The following EXOC6B variants were observed in gnomAD, a reference collection of about 807,000 sequenced individuals.
The protein encoded by EXOC6B is SEC15 homolog B.
A neutral mutation model predicts 113.5 loss-of-function variants in EXOC6B; 54 were observed. The observed-to-expected ratio is 0.48, with a 90% CI of 0.38 to 0.60. The LOEUF is 0.60. EXOC6B is among the 20% of genes least tolerant of loss of function. The probability of loss-of-function intolerance (pLI) is 0.00; values close to 1 mark genes in which losing one functional copy is unlikely to be tolerated. For synonymous variants in EXOC6B, 357 were observed against 339.0 expected, an observed-to-expected ratio of 1.05 and a Z score of -0.58; for missense variants, 797 against 977.5, an observed-to-expected ratio of 0.82 and a Z score of 2.46.
intron 6 of EXOC6B, among the ~76,000 whole-genome samples, chr2:72,714,508 T>C (rs1679477733): frequency 6.6e-6 from 1 of 152,202 alleles, no homozygotes; most frequent in African/African-American, 2.4e-5. Flanking sequence ...AGAAAAGTAT[T>C]AGCTCATTTG....
chr2:72,225,404 T>C (rs1312734010), intron 20 of EXOC6B, among the ~76,000 whole-genome samples: 2 of 152,230 alleles, frequency 1.3e-5, no homozygotes, highest in Admixed American at 6.5e-5. Context: ...TAAATTTTCA[T>C]ATTTCTAGGT....
intron 11 of EXOC6B, among the ~76,000 whole-genome samples, chr2:72,501,852 T>G (rs891287591): frequency 6.0e-5 from 9 of 151,140 alleles, no homozygotes; most frequent in Non-Finnish European, 1.3e-4. Context: ...CTTGACCCCC[T>G]GGGTTCAAGC....
intron 1 of EXOC6B, among the ~76,000 whole-genome samples, chr2:72,813,374 C>A (rs1370281342): frequency 6.6e-6 from 1 of 152,180 alleles, no homozygotes; most frequent in African/African-American, 2.4e-5. Context: ...AGGTGAGCTA[C>A]CACACCCAGC....
In EXOC6B at chr2:72,498,436, C is replaced by T; in HGVS notation, c.1337+18G>A. The T allele has an allele frequency of 6.4e-7, 1 of 1,559,864 alleles. No homozygotes were observed. Among genetic ancestry groups the T allele is most frequent in the Non-Finnish European group, 8.8e-7 (1 of 1,135,494 alleles). On this transcript the variant is annotated intron_variant, in intron 13 of 21. Transcript: ENST00000272427. ...TGTACATGAACACACACACATATGA[C>T]TATAGATAATTTCTCACCTGAAAAT...
chr2:72,818,798 G>A (rs1488029648), intron 1 of EXOC6B, among the ~76,000 whole-genome samples: 1 of 152,066 alleles, frequency 6.6e-6, no homozygotes, highest in African/African-American at 2.4e-5. Flanking sequence ...TTTCCTGAGG[G>A]CCTTGGCACT....
At chr2:72,783,662 T>C (rs1365641383) in intron 1 of EXOC6B, among the ~76,000 whole-genome samples, 2 of 152,116 alleles carry the variant, frequency 1.3e-5, no homozygotes, top group African/African-American at 2.4e-5. Context: ...GAAATGTCTA[T>C]CCATGTCCTT....
At chr2:72,619,065 T>C (rs1255228278) in intron 6 of EXOC6B, among the ~76,000 whole-genome samples, 5 of 152,154 alleles carry the variant, frequency 3.3e-5, no homozygotes, top group Non-Finnish European at 5.9e-5. Context: ...GAAAAGCTGT[T>C]GAACAACAGA....
At chr2:72,676,405 A>G (rs1676317969) in intron 6 of EXOC6B, among the ~76,000 whole-genome samples, 1 of 152,266 alleles carries the variant, frequency 6.6e-6, no homozygotes, top group Non-Finnish European at 1.5e-5. Flanking sequence ...GTCATGTTCC[A>G]GAGAACAATT....
At chr2:72,538,929 C>T (rs959519389) in intron 8 of EXOC6B, among the ~76,000 whole-genome samples, 45 of 152,110 alleles carry the variant, frequency 3.0e-4, no homozygotes, top group African/African-American at 1.0e-3. Flanking sequence ...ATGGATGAGC[C>T]GCTTGAGCTG....
chr2:72,398,727 TACACACACACACACACACAC>T (rs60055732), intron 18 of EXOC6B, among the ~76,000 whole-genome samples: 1 of 138,996 alleles, frequency 7.2e-6, no homozygotes, highest in South Asian at 2.3e-4. Context: ...TCTCTCTGTC[TACACACACACACACACACAC>T]ACACACACAC....
At position 72,579,007 on chromosome 2, in the gene EXOC6B, G is replaced by A. The variant is rs1039355645; in HGVS notation, c.670-3339C>T. 5.9e-5 allele frequency among the ~76,000 whole-genome samples: 9 copies of A among 152,226 alleles called. No homozygotes were observed. In the South Asian group the frequency reaches 1.0e-3, roughly 18 times the overall value. On this transcript the variant is annotated intron_variant, in intron 6 of 21. Coordinates refer to ENST00000272427, the MANE Select transcript of EXOC6B (RefSeq NM_015189.3). Reference sequence around the variant, plus strand: ...TACAATTCAGACAAACCCTCTAGGAGTCAAGGAGTGGTCAACTGAGAGAAG... The same window carrying A: ...TACAATTCAGACAAACCCTCTAGGAATCAAGGAGTGGTCAACTGAGAGAAG...
intron 6 of EXOC6B, among the ~76,000 whole-genome samples, chr2:72,688,351 G>A (rs1677235990): frequency 6.6e-6 from 1 of 152,178 alleles, no homozygotes; most frequent in Non-Finnish European, 1.5e-5. Flanking sequence ...AGGAAAAGAA[G>A]TCAATAAAGG....
At chr2:72,815,101 C>T (rs1347220357) in intron 1 of EXOC6B, among the ~76,000 whole-genome samples, 1 of 152,192 alleles carries the variant, frequency 6.6e-6, no homozygotes, top group African/African-American at 2.4e-5. Context: ...GGTTTATTTA[C>T]CAATCACAAC....
chr2:72,543,733 C>T (rs1025433406), intron 8 of EXOC6B, among the ~76,000 whole-genome samples: 3 of 152,160 alleles, frequency 2.0e-5, no homozygotes, highest in Non-Finnish European at 4.4e-5. Context: ...CTTATCAATG[C>T]AGTGCACAAA....
At chr2:72,320,821 A>G (rs1012997891) in intron 20 of EXOC6B, among the ~76,000 whole-genome samples, 1 of 152,208 alleles carries the variant, frequency 6.6e-6, no homozygotes, top group African/African-American at 2.4e-5. Flanking sequence ...AAAAACTTTC[A>G]CTACTCAATA....
intron 20 of EXOC6B, among the ~76,000 whole-genome samples, chr2:72,260,101 GAGAA>G (rs1159295611): frequency 7.2e-5 from 11 of 151,956 alleles, no homozygotes; most frequent in African/African-American, 2.4e-4. Context: ...AAAAGGAAGA[GAGAA>G]AGAAAGAAAA....
At position 72,244,172 on chromosome 2, in the gene EXOC6B, T is replaced by C. The variant is rs565401815; in HGVS notation, c.2197-59985A>G. Among the ~76,000 whole-genome samples the C allele has an allele frequency of 8.5e-4, 129 of 152,130 alleles. 1 individual carries two copies. The highest frequency in any genetic ancestry group is 1.6e-3 in the Non-Finnish European group (111 of 68,010). On this transcript the variant is annotated intron_variant, in intron 20 of 21. Transcript: ENST00000272427. Reference sequence around the variant, plus strand: ...GGGCCATAAGATATACCTTAACAGATTTAAACAAGTAGAAATGATACAAAG... The same window carrying C: ...GGGCCATAAGATATACCTTAACAGACTTAAACAAGTAGAAATGATACAAAG...
intron 6 of EXOC6B, among the ~76,000 whole-genome samples, chr2:72,623,325 T>C (rs954416692): frequency 5.3e-5 from 8 of 152,162 alleles, no homozygotes; most frequent in East Asian, 3.9e-4. Flanking sequence ...GGGCTAGAGA[T>C]ACATTGGCAA....
At chr2:72,625,591 G>A (rs1209019671) in intron 6 of EXOC6B, among the ~76,000 whole-genome samples, 1 of 152,084 alleles carries the variant, frequency 6.6e-6, no homozygotes, top group Non-Finnish European at 1.5e-5. Context: ...TAACACATCT[G>A]GAAAGAGAAC....
Sources: gnomAD v4.1 joint callset for allele counts (sites outside exome capture counted in the v4.1 genomes callset) on GRCh38, gnomAD v4.1.1 for gene constraint, MANE v1.5 for transcripts, NCBI Gene and HGNC (gene_info 2026-07-23, HGNC 2026-07-21) for gene names.